Variants in PDE4D observed in about 807,000 individuals in gnomAD.
The protein encoded by PDE4D is phosphodiesterase 4D, also known as 3',5'-cyclic-AMP phosphodiesterase 4D.
PDE4D carries 24 observed loss-of-function variants against 87.4 expected under a neutral mutation model. The observed-to-expected ratio is 0.27, with a 90% CI of 0.20 to 0.39. The LOEUF is 0.39. PDE4D is among the 10% of genes least tolerant of loss of function. The probability of loss-of-function intolerance (pLI) is 1.00; values close to 1 mark genes in which losing one functional copy is unlikely to be tolerated. For missense variants in PDE4D, 714 were observed against 1,041.0 expected, an observed-to-expected ratio of 0.69 and a Z score of 4.32; for synonymous variants, 384 against 383.2, an observed-to-expected ratio of 1.00 and a Z score of -0.02.
chr5:58,984,659 A>G (rs1346661766), intron 11 of PDE4D, among the ~76,000 whole-genome samples: 3 of 152,230 alleles, frequency 2.0e-5, no homozygotes, highest in Non-Finnish European at 4.4e-5. Context: ...CTTAACCTTA[A>G]TATAATGAAA....
intron 1 of PDE4D, among the ~76,000 whole-genome samples, chr5:60,318,750 G>C (rs1755896326): frequency 6.6e-6 from 1 of 151,962 alleles, no homozygotes; most frequent in Non-Finnish European, 1.5e-5. Context: ...ATGAAGCTTA[G>C]TTTGGCTGGA....
At chr5:59,781,009 A>C (rs2152627009) in intron 1 of PDE4D, among the ~76,000 whole-genome samples, 1 of 152,078 alleles carries the variant, frequency 6.6e-6, no homozygotes, top group South Asian at 2.1e-4. Context: ...TCTACTAAAA[A>C]TGCAAAATTA....
chr5:59,956,110 G>A (rs577228165), intron 3 of PDE4D, among the ~76,000 whole-genome samples: 4 of 152,162 alleles, frequency 2.6e-5, no homozygotes, highest in Non-Finnish European at 5.9e-5. Context: ...AAAAGCAAGA[G>A]TTCAAAAATC....
At chr5:60,284,032 G>A (rs1752190018) in intron 1 of PDE4D, among the ~76,000 whole-genome samples, 3 of 152,128 alleles carry the variant, frequency 2.0e-5, no homozygotes, top group Admixed American at 6.5e-5. Flanking sequence ...ACAGTGAACG[G>A]AAAGATGAGA....
At chr5:59,227,042 C>A (rs1167751475) in intron 1 of PDE4D, among the ~76,000 whole-genome samples, 1 of 152,172 alleles carries the variant, frequency 6.6e-6, no homozygotes, top group Non-Finnish European at 1.5e-5. Flanking sequence ...CAGGCTGGAC[C>A]TGAGAGTCAG....
At chr5:59,377,674 G>A (rs561848104) in intron 1 of PDE4D, among the ~76,000 whole-genome samples, 2 of 152,252 alleles carry the variant, frequency 1.3e-5, no homozygotes, top group South Asian at 2.1e-4. Flanking sequence ...GACATGAACA[G>A]GCACTTTTCA....
chr5:59,434,884 G>T (rs1333676874), intron 1 of PDE4D, among the ~76,000 whole-genome samples: 1 of 152,098 alleles, frequency 6.6e-6, no homozygotes, highest in Non-Finnish European at 1.5e-5. Context: ...CTGATCAGAT[G>T]CATTCAATGT....
At chr5:59,854,198 T>G (rs1745078902) in intron 1 of PDE4D, among the ~76,000 whole-genome samples, 1 of 152,122 alleles carries the variant, frequency 6.6e-6, no homozygotes, top group Admixed American at 6.6e-5. Flanking sequence ...TAGAGAAATC[T>G]GATAGACTGG....
At chr5:58,988,384 A>C (rs1218791514) in intron 11 of PDE4D, 109 bp downstream of exon 11, 4 of 442,500 alleles carry the variant, frequency 9.0e-6, no homozygotes, top group Non-Finnish European at 1.6e-5. Flanking sequence ...ATATATACAC[A>C]TCTCAAAAGA....
chr5:59,568,636 T>G (rs535079775), intron 1 of PDE4D, among the ~76,000 whole-genome samples: 21 of 152,152 alleles, frequency 1.4e-4, no homozygotes, highest in Non-Finnish European at 2.2e-4. Context: ...CTGTGGTCTC[T>G]CTCCCCAAAA....
At chr5:60,395,166 A>G (rs1350704986) in intron 1 of PDE4D, among the ~76,000 whole-genome samples, 4 of 152,050 alleles carry the variant, frequency 2.6e-5, no homozygotes, top group African/African-American at 9.7e-5. Flanking sequence ...AGTTGCATAA[A>G]CCACCCCCCT....
At chr5:59,071,930 C>A (rs191485458) in intron 5 of PDE4D, among the ~76,000 whole-genome samples, 9 of 152,040 alleles carry the variant, frequency 5.9e-5, no homozygotes, top group Non-Finnish European at 8.8e-5. Context: ...CTAAGGTAAT[C>A]CCCCCGCCTT....
intron 1 of PDE4D, among the ~76,000 whole-genome samples, chr5:60,286,237 T>A (rs1752404550): frequency 6.6e-6 from 1 of 152,154 alleles, no homozygotes; most frequent in African/African-American, 2.4e-5. Flanking sequence ...AGAAGATTGA[T>A]ACATACCCTG....
At chr5:60,000,303 T>C (rs1449597936) in intron 2 of PDE4D, among the ~76,000 whole-genome samples, 2 of 151,896 alleles carry the variant, frequency 1.3e-5, no homozygotes, top group Non-Finnish European at 2.9e-5. Flanking sequence ...CTGTCAAATA[T>C]CAAAGACAAA....
chr5:59,727,712 C>G (rs2150586502), intron 1 of PDE4D, among the ~76,000 whole-genome samples: 1 of 152,210 alleles, frequency 6.6e-6, no homozygotes, highest in Admixed American at 6.6e-5. Context: ...GTTTCTTACC[C>G]TCTGTGAGCA....
chr5:59,168,678 A>AAG (rs140681291), intron 5 of PDE4D, among the ~76,000 whole-genome samples: 2 of 151,810 alleles, frequency 1.3e-5, no homozygotes, highest in African/African-American at 2.4e-5. Context: ...AAGAAAAAGA[A>AAG]AGAGAGAGAG....
At chr5:60,400,622 C>T (rs767692176) in intron 1 of PDE4D, among the ~76,000 whole-genome samples, 6 of 151,188 alleles carry the variant, frequency 4.0e-5, no homozygotes, top group Admixed American at 3.3e-4. Flanking sequence ...ACTATAAAAT[C>T]CATTAATTTA....
At chr5:59,896,241 T>G (rs1751629450), upstream of PDE4D, among the ~76,000 whole-genome samples, 1 of 152,180 alleles carries the variant, frequency 6.6e-6, no homozygotes, top group African/African-American at 2.4e-5. Context: ...ATGCCTTATA[T>G]GCAATGAATG....
chr5:59,141,172 G>A (rs1377761030), intron 5 of PDE4D, among the ~76,000 whole-genome samples: 1 of 152,178 alleles, frequency 6.6e-6, no homozygotes, highest in Non-Finnish European at 1.5e-5. Context: ...TACCTGAAAA[G>A]TAACAATTAG....
Sources: gnomAD v4.1 joint callset for allele counts (sites outside exome capture counted in the v4.1 genomes callset) on GRCh38, gnomAD v4.1.1 for gene constraint, MANE v1.5 for transcripts, NCBI Gene and HGNC (gene_info 2026-07-23, HGNC 2026-07-21) for gene names.